The following CTNNA2 variants were observed in gnomAD, a reference collection of about 807,000 sequenced individuals.
CTNNA2 encodes the protein catenin alpha-2.
Under a neutral mutation model 101.0 loss-of-function variants are expected in CTNNA2, and 42 were observed. That is an observed-to-expected ratio of 0.42 (90% CI 0.32 to 0.54). CTNNA2 has a LOEUF of 0.54. CTNNA2 is among the 20% of genes least tolerant of loss of function. CTNNA2 has a pLI of 0.14. For synonymous variants in CTNNA2, 450 were observed against 456.4 expected (o/e 0.99, Z 0.18); for missense variants, 871 against 1,223.1 (o/e 0.71, Z 4.29).
chr2:79,815,699 C>G (rs1677435036), intron 3 of CTNNA2, among the ~76,000 whole-genome samples: 1 of 152,058 alleles, frequency 6.6e-6, no homozygotes, highest in South Asian at 2.1e-4. Flanking sequence ...GGTGTGATGC[C>G]TCCAGGTTTG....
chr2:80,490,305 T>G (rs942074691), intron 9 of CTNNA2, among the ~76,000 whole-genome samples: 2 of 100,964 alleles, frequency 2.0e-5, no homozygotes, highest in Non-Finnish European at 3.5e-5. Context: ...AAGCACCAGA[T>G]AGTAAATATT....
chr2:79,217,130 T>G (rs1434731454), intron 2 of CTNNA2, among the ~76,000 whole-genome samples: 2 of 151,582 alleles, frequency 1.3e-5, no homozygotes, highest in Non-Finnish European at 2.9e-5. Context: ...GTGAGAGAGG[T>G]TGGAGAAGAG....
intron 7 of CTNNA2, among the ~76,000 whole-genome samples, chr2:80,258,215 T>A (rs1018581512): frequency 1.3e-5 from 2 of 152,192 alleles, no homozygotes; most frequent in African/African-American, 4.8e-5. Flanking sequence ...GCTTTTCCTA[T>A]CTTGGGCAGA....
At chr2:79,561,714 T>C (rs942665841) in intron 1 of CTNNA2, among the ~76,000 whole-genome samples, 1 of 151,968 alleles carries the variant, frequency 6.6e-6, no homozygotes, top group African/African-American at 2.4e-5. Context: ...TGACTCATGA[T>C]GTTGAGCATC....
intron 7 of CTNNA2, among the ~76,000 whole-genome samples, chr2:80,081,116 G>A (rs541079036): frequency 2.3e-4 from 34 of 149,054 alleles, no homozygotes; most frequent in Non-Finnish European, 4.3e-4. Context: ...AAAAAAAAGC[G>A]TGGTCGGGTG....
chr2:80,025,610 A>G (rs1694880691), intron 7 of CTNNA2, among the ~76,000 whole-genome samples: 1 of 152,166 alleles, frequency 6.6e-6, no homozygotes, highest in Non-Finnish European at 1.5e-5. Flanking sequence ...AACTGTTGGG[A>G]GTCTATGGAG....
intron 1 of CTNNA2, among the ~76,000 whole-genome samples, chr2:79,191,019 A>T (rs2104160002): frequency 6.6e-6 from 1 of 152,250 alleles, no homozygotes; most frequent in South Asian, 2.1e-4. Context: ...CATAAGAGCA[A>T]ATACAGTCAT....
At chr2:80,323,862 GA>G (rs1275568866) in intron 7 of CTNNA2, among the ~76,000 whole-genome samples, 2 of 152,036 alleles carry the variant, frequency 1.3e-5, no homozygotes, top group African/African-American at 4.8e-5. Flanking sequence ...TCTTTACAAG[GA>G]ATTTGCCTTT....
At chr2:80,081,945 A>G (rs1207512919) in intron 7 of CTNNA2, among the ~76,000 whole-genome samples, 1 of 152,178 alleles carries the variant, frequency 6.6e-6, no homozygotes, top group African/African-American at 2.4e-5. Flanking sequence ...TTGCAGCTAG[A>G]TGCAGGAGAC....
At chr2:79,823,642 G>T (rs1226555559) in intron 3 of CTNNA2, among the ~76,000 whole-genome samples, 1 of 152,058 alleles carries the variant, frequency 6.6e-6, no homozygotes, top group Non-Finnish European at 1.5e-5. Flanking sequence ...AGATTCTGTG[G>T]TCAAACTCTA....
chr2:79,578,106 A>G (rs2103876784), intron 1 of CTNNA2, among the ~76,000 whole-genome samples: 1 of 152,302 alleles, frequency 6.6e-6, no homozygotes, highest in African/African-American at 2.4e-5. Flanking sequence ...TTGTAAATGA[A>G]CGAAAGCTAT....
chr2:80,591,673 A>G (rs1191612867), intron 15 of CTNNA2, among the ~76,000 whole-genome samples: 1 of 151,986 alleles, frequency 6.6e-6, no homozygotes, highest in Non-Finnish European at 1.5e-5. Flanking sequence ...CTGATTAGGA[A>G]TTGAAACTTG....
intron 3 of CTNNA2, among the ~76,000 whole-genome samples, chr2:79,757,415 G>C (rs1176781041): frequency 1.3e-5 from 2 of 152,162 alleles, no homozygotes; most frequent in East Asian, 3.8e-4. Context: ...CAGAAATCTA[G>C]TTTAGAAGAT....
At chr2:79,431,413 G>A (rs1462083073) in intron 4 of CTNNA2, among the ~76,000 whole-genome samples, 1 of 152,112 alleles carries the variant, frequency 6.6e-6, no homozygotes. Flanking sequence ...ATCAGCTGTG[G>A]CTCTGCTGTG....
At chr2:79,253,896 C>G (rs1343013279) in intron 2 of CTNNA2, among the ~76,000 whole-genome samples, 2 of 152,130 alleles carry the variant, frequency 1.3e-5, no homozygotes, top group South Asian at 4.1e-4. Context: ...GCTTGGCTGT[C>G]CTGTAAGAAA....
At chr2:80,347,153 T>A (rs1327737708) in intron 7 of CTNNA2, among the ~76,000 whole-genome samples, 1 of 152,218 alleles carries the variant, frequency 6.6e-6, no homozygotes, top group African/African-American at 2.4e-5. Flanking sequence ...AGTGGCAGAT[T>A]CAGCGCTCTG....
chr2:80,609,645 G>C (rs565010830), intron 17 of CTNNA2, among the ~76,000 whole-genome samples: 2 of 151,752 alleles, frequency 1.3e-5, no homozygotes, highest in African/African-American at 4.8e-5. Context: ...CTTCAGCCTT[G>C]ATGGTATAGT....
At chr2:79,766,163 TTTTC>T (rs1558910748) in intron 3 of CTNNA2, among the ~76,000 whole-genome samples, 2 of 152,208 alleles carry the variant, frequency 1.3e-5, no homozygotes, top group African/African-American at 2.4e-5. Context: ...ATTAAGGTCC[TTTTC>T]TTTCTTATTG....
intron 7 of CTNNA2, among the ~76,000 whole-genome samples, chr2:80,161,379 G>T (rs1037951332): frequency 3.3e-5 from 5 of 151,812 alleles, no homozygotes; most frequent in African/African-American, 1.2e-4. Context: ...CAGTACGAAC[G>T]CTGTGGTATT....
Sources: gnomAD v4.1 joint callset for allele counts (sites outside exome capture counted in the v4.1 genomes callset) on GRCh38, gnomAD v4.1.1 for gene constraint, MANE v1.5 for transcripts, NCBI Gene and HGNC (gene_info 2026-07-23, HGNC 2026-07-21) for gene names.